Variants in SAMD5 observed in about 807,000 individuals in gnomAD.
SAMD5 encodes the protein sterile alpha motif domain-containing protein 5.
A neutral mutation model predicts 11.3 loss-of-function variants in SAMD5; 13 were observed. The ratio of observed to expected loss-of-function variants is 1.15; its 90% CI spans 0.75 to 1.83. SAMD5 has a LOEUF of 1.83. Ranked by LOEUF, SAMD5 falls within the 40% of genes most tolerant of loss-of-function variation. The pLI is 0.00. For missense variants in SAMD5, 255 were observed against 239.1 expected (o/e 1.07, Z -0.44); for synonymous variants, 129 against 111.3 (o/e 1.16, Z -1.00).
At chr6:147,752,584 G>T in the SAMD5 span, among the ~76,000 whole-genome samples, 1 of 152,124 alleles carries the variant, frequency 6.6e-6, no homozygotes, top group Non-Finnish European at 1.5e-5. Flanking sequence ...CAGTTTGTGT[G>T]TACTCACTGT....
the SAMD5 span, among the ~76,000 whole-genome samples, chr6:147,877,936 T>TAGAAAGAA: frequency 5.0e-3 from 415 of 83,614 alleles, no homozygotes; most frequent in Non-Finnish European, 7.7e-3. Context: ...GATAGATAGA[T>TAGAAAGAA]AGATAGATAG....
chr6:147,917,582 T>C, the SAMD5 span, among the ~76,000 whole-genome samples: 2 of 152,238 alleles, frequency 1.3e-5, no homozygotes, highest in Non-Finnish European at 2.9e-5. Context: ...TTTGTCAATT[T>C]TGTCTTTTGT....
chr6:147,660,248 A>G (rs1327807352), intron 1 of SAMD5, among the ~76,000 whole-genome samples: 5 of 152,176 alleles, frequency 3.3e-5, no homozygotes, highest in African/African-American at 1.2e-4. Flanking sequence ...ATCTCTTCAT[A>G]TTCTACCATT....
chr6:147,818,959 C>T, the SAMD5 span, among the ~76,000 whole-genome samples: 11 of 152,260 alleles, frequency 7.2e-5, no homozygotes, highest in African/African-American at 2.6e-4. Flanking sequence ...CCATCCAACC[C>T]AGAAATCTCA....
chr6:147,900,911 T>A, the SAMD5 span, among the ~76,000 whole-genome samples: 1 of 152,328 alleles, frequency 6.6e-6, no homozygotes, highest in Non-Finnish European at 1.5e-5. Context: ...AGATAGGGAT[T>A]TTTTTAGAAT....
At chr6:147,720,277 T>C (rs555911828) in intron 1 of SAMD5, among the ~76,000 whole-genome samples, 19 of 152,118 alleles carry the variant, frequency 1.2e-4, no homozygotes, top group South Asian at 1.0e-3. Flanking sequence ...CTGGCTAACA[T>C]GGTGAAACCC....
At chr6:147,559,627 C>T (rs539508316) in intron 1 of SAMD5, among the ~76,000 whole-genome samples, 1 of 152,024 alleles carries the variant, frequency 6.6e-6, no homozygotes, top group African/African-American at 2.4e-5. Flanking sequence ...TAAGGACACA[C>T]CTCGGAGGAA....
chr6:147,745,036 G>A, the SAMD5 span, among the ~76,000 whole-genome samples: 8 of 152,140 alleles, frequency 5.3e-5, no homozygotes, highest in African/African-American at 1.9e-4. Context: ...GACGTCAATT[G>A]TATATTTGAT....
intron 1 of SAMD5, among the ~76,000 whole-genome samples, chr6:147,539,426 T>C (rs578109593): frequency 6.6e-6 from 1 of 152,300 alleles, no homozygotes; most frequent in East Asian, 1.9e-4. Context: ...ATTTCCTACC[T>C]AGTTATTACA....
At chr6:147,784,910 G>C in the SAMD5 span, among the ~76,000 whole-genome samples, 1 of 152,128 alleles carries the variant, frequency 6.6e-6, no homozygotes, top group African/African-American at 2.4e-5. Context: ...GATAGTGAAA[G>C]CTTCCTTTTT....
At chr6:147,748,123 G>A in the SAMD5 span, among the ~76,000 whole-genome samples, 3 of 152,118 alleles carry the variant, frequency 2.0e-5, no homozygotes, top group Admixed American at 2.0e-4. Context: ...TTTTCACCTT[G>A]GTAAGTGTTC....
At chr6:147,592,458 AG>A (rs1789470358) in intron 1 of SAMD5, among the ~76,000 whole-genome samples, 1 of 152,084 alleles carries the variant, frequency 6.6e-6, no homozygotes, top group Admixed American at 6.6e-5. Context: ...CCAGAGGAAG[AG>A]GGGCATCTTG....
At chr6:147,720,133 A>G (rs559755089) in intron 1 of SAMD5, among the ~76,000 whole-genome samples, 19 of 152,252 alleles carry the variant, frequency 1.2e-4, no homozygotes, top group Middle Eastern at 3.4e-3. Context: ...GTCCCTCCCT[A>G]TCTAGGTAAG....
At chr6:147,910,839 T>G in the SAMD5 span, among the ~76,000 whole-genome samples, 1 of 152,242 alleles carries the variant, frequency 6.6e-6, no homozygotes, top group African/African-American at 2.4e-5. Context: ...TACAAATATA[T>G]TTTGTAATGA....
chr6:147,682,476 A>G (rs1197375020), intron 1 of SAMD5, among the ~76,000 whole-genome samples: 1 of 152,104 alleles, frequency 6.6e-6, no homozygotes, highest in Non-Finnish European at 1.5e-5. Flanking sequence ...GATCACTCCA[A>G]GGTGCACCCG....
At chr6:147,732,190 A>G (rs1181451129) in intron 1 of SAMD5, among the ~76,000 whole-genome samples, 1 of 152,196 alleles carries the variant, frequency 6.6e-6, no homozygotes, top group East Asian at 1.9e-4. Context: ...TTGTAATTAC[A>G]ATTTCTAGGC....
At chr6:147,616,017 G>A (rs1789862341) in intron 1 of SAMD5, among the ~76,000 whole-genome samples, 1 of 145,632 alleles carries the variant, frequency 6.9e-6, no homozygotes, top group Non-Finnish European at 1.6e-5. Context: ...CTCGTAGGTG[G>A]TGTGATGTTG....
intron 1 of SAMD5, among the ~76,000 whole-genome samples, chr6:147,619,973 G>A (rs916537871): frequency 8.5e-5 from 13 of 152,178 alleles, no homozygotes; most frequent in African/African-American, 3.1e-4. Context: ...TAATGACTTA[G>A]TGATACATTA....
intron 1 of SAMD5, among the ~76,000 whole-genome samples, chr6:147,527,551 C>T (rs547384666): frequency 9.9e-5 from 15 of 152,032 alleles, no homozygotes; most frequent in South Asian, 4.2e-4. Flanking sequence ...TGGGTGGGTA[C>T]GCATATCCAA....
Sources: allele counts gnomAD v4.1 joint callset (sites outside exome capture counted in the v4.1 genomes callset), GRCh38; gene constraint gnomAD v4.1.1; transcripts MANE v1.5; gene names NCBI Gene and HGNC (gene_info 2026-07-23, HGNC 2026-07-21).